Variants in MAPKAPK3 observed in about 807,000 individuals in gnomAD.
The protein encoded by MAPKAPK3 is MAP kinase-activated protein kinase 3.
In MAPKAPK3, 35 loss-of-function variants were observed where a neutral mutation model predicts 49.2. The observed-to-expected ratio is 0.71, with a 90% confidence interval of 0.54 to 0.94. The LOEUF is 0.94. Ranked by LOEUF, MAPKAPK3 falls within the 40% of genes least tolerant of loss-of-function variation. MAPKAPK3 has a pLI of 0.00. For missense variants in MAPKAPK3, 398 were observed against 493.1 expected, an observed-to-expected ratio of 0.81 and a Z score of 1.83; for synonymous variants, 178 against 188.7, an observed-to-expected ratio of 0.94 and a Z score of 0.46.
At chr3:50,639,132 T>A (rs2033112111) in intron 2 of MAPKAPK3, among the ~76,000 whole-genome samples, 1 of 152,230 alleles carries the variant, frequency 6.6e-6, no homozygotes, top group Non-Finnish European at 1.5e-5. Context: ...AGGATCCTGA[T>A]GCCCGCCCAC....
intron 2 of MAPKAPK3, among the ~76,000 whole-genome samples, chr3:50,627,529 A>G (rs2032789530): frequency 1.3e-5 from 2 of 152,190 alleles, no homozygotes; most frequent in Non-Finnish European, 2.9e-5. Flanking sequence ...CTTCCGCTGT[A>G]CTTCATGGAC....
At chr3:50,618,048 A>G (rs921542923) in intron 2 of MAPKAPK3, among the ~76,000 whole-genome samples, 1 of 152,184 alleles carries the variant, frequency 6.6e-6, no homozygotes, top group Non-Finnish European at 1.5e-5. Context: ...GAAGCAGGGA[A>G]GGGGTGACTC....
chr3:50,626,542 C>G (rs1437761188), intron 2 of MAPKAPK3, among the ~76,000 whole-genome samples: 4 of 152,198 alleles, frequency 2.6e-5, no homozygotes, highest in Non-Finnish European at 1.5e-5. Flanking sequence ...AGACCCATAG[C>G]TCATCCACAG....
At chr3:50,618,552 C>T (rs2032529828) in intron 2 of MAPKAPK3, among the ~76,000 whole-genome samples, 2 of 152,292 alleles carry the variant, frequency 1.3e-5, no homozygotes, top group Admixed American at 1.3e-4. Context: ...TAGGGCCACA[C>T]CCCATACCCA....
At chr3:50,638,679 C>T (rs901642113) in intron 2 of MAPKAPK3, among the ~76,000 whole-genome samples, 2 of 152,180 alleles carry the variant, frequency 1.3e-5, no homozygotes, top group East Asian at 1.9e-4. Flanking sequence ...GCAGCAGGCT[C>T]GAGAAACCAC....
chr3:50,644,394 C>A lies in MAPKAPK3; in HGVS notation c.505-15C>A. On this transcript the variant is annotated splice_polypyrimidine_tract_variant and intron_variant, in intron 5 of 10. Coordinates refer to ENST00000621469, the MANE Select transcript of MAPKAPK3 (RefSeq NM_001243925.2). ...GTTCCTAACTCCAAACCAATGTTTTCTCTTTCTGGCCCAGCCTGAAAACCT... is the reference window on the plus strand; with the variant it reads ...GTTCCTAACTCCAAACCAATGTTTTATCTTTCTGGCCCAGCCTGAAAACCT... 1 of 1,613,884 alleles carries A rather than the reference C, an allele frequency of 6.2e-7. No individual in the cohort carries two copies. The highest frequency in any genetic ancestry group is 8.5e-7 in the Non-Finnish European group (1 of 1,179,800).
upstream of MAPKAPK3, among the ~76,000 whole-genome samples, chr3:50,616,223 C>T (rs557773942): frequency 1.3e-5 from 2 of 152,194 alleles, no homozygotes; most frequent in East Asian, 3.9e-4. Flanking sequence ...ATGTGATGTG[C>T]GCAAGTAGTT....
chr3:50,626,238 A>C (rs927120085), intron 2 of MAPKAPK3, among the ~76,000 whole-genome samples: 1 of 152,194 alleles, frequency 6.6e-6, no homozygotes, highest in Non-Finnish European at 1.5e-5. Flanking sequence ...AGGTATAGAC[A>C]GGGCTGAGAT....
intron 8 of MAPKAPK3, 47 bp from the exon 9 acceptor site, chr3:50,646,693 C>T (rs768850805): frequency 1.3e-6 from 2 of 1,537,312 alleles, no homozygotes; most frequent in African/African-American, 2.7e-5. Flanking sequence ...GGTGGAGGGG[C>T]TGGCTCTGCA....
Sources: gnomAD v4.1 joint callset for allele counts (sites outside exome capture counted in the v4.1 genomes callset) on GRCh38, gnomAD v4.1.1 for gene constraint, MANE v1.5 for transcripts, NCBI Gene and HGNC (gene_info 2026-07-23, HGNC 2026-07-21) for gene names.